Variants in RSU1 observed in about 807,000 individuals in gnomAD.
RSU1 encodes Ras suppressor protein 1, also known as rsu-1.
RSU1 carries 26 observed loss-of-function variants against 31.1 expected under a neutral mutation model. The ratio of observed to expected loss-of-function variants is 0.84; its 90% CI spans 0.61 to 1.16. The LOEUF (loss-of-function observed/expected upper bound fraction) is 1.16, where lower values mean the gene tolerates loss of function less well. Ranked by LOEUF, RSU1 falls within the 50% of genes most tolerant of loss-of-function variation. The pLI, the probability that RSU1 is intolerant of heterozygous loss-of-function variation, is 0.00. For synonymous variants in RSU1, 164 were observed against 136.3 expected (o/e 1.20, Z -1.41); for missense variants, 320 against 339.1 (o/e 0.94, Z 0.44).
At chr10:16,628,151 C>T (rs900183594) in intron 8 of RSU1, among the ~76,000 whole-genome samples, 1 of 152,186 alleles carries the variant, frequency 6.6e-6, no homozygotes, top group Non-Finnish European at 1.5e-5. Context: ...AACAATCTGC[C>T]AATTGATTAA....
chr10:16,634,538 A>G (rs745819132), intron 8 of RSU1, among the ~76,000 whole-genome samples: 3 of 152,250 alleles, frequency 2.0e-5, no homozygotes, highest in Non-Finnish European at 4.4e-5. Flanking sequence ...ATTTTCACAC[A>G]AAAGTATATA....
intron 2 of RSU1, among the ~76,000 whole-genome samples, chr10:16,807,744 C>T (rs528137652): frequency 2.0e-4 from 30 of 152,294 alleles, no homozygotes; most frequent in East Asian, 5.8e-4. Flanking sequence ...AATTCTGAGA[C>T]GAGGTACGGT....
At chr10:16,738,674 C>G (rs1182784248) in intron 7 of RSU1, among the ~76,000 whole-genome samples, 3 of 152,034 alleles carry the variant, frequency 2.0e-5, no homozygotes, top group Non-Finnish European at 4.4e-5. Context: ...ACAATACAGA[C>G]TAACTCAGAA....
chr10:16,647,271 C>T (rs902152078), intron 8 of RSU1, among the ~76,000 whole-genome samples: 8 of 152,192 alleles, frequency 5.3e-5, no homozygotes, highest in African/African-American at 1.9e-4. Context: ...CGCGCCCAGC[C>T]CGTACTGGAA....
At chr10:16,645,738 C>T (rs111371646) in intron 8 of RSU1, among the ~76,000 whole-genome samples, 7,851 of 148,348 alleles carry the variant, frequency 0.053, 814 homozygotes, top group African/African-American at 0.19. Context: ...ACTCGGGAGG[C>T]GGAGGTTGCA....
At chr10:16,754,712 T>C (rs184965437) in intron 5 of RSU1, among the ~76,000 whole-genome samples, 159 bp downstream of exon 5, 2 of 152,266 alleles carry the variant, frequency 1.3e-5, no homozygotes, top group African/African-American at 2.4e-5. Context: ...CAAATGCACA[T>C]ACTGCTGAGC....
chr10:16,659,365 T>C (rs1834847732), intron 8 of RSU1, among the ~76,000 whole-genome samples: 1 of 151,610 alleles, frequency 6.6e-6, no homozygotes, highest in South Asian at 2.1e-4. Context: ...CTTTAAAACC[T>C]TTCTGTTGGT....
At chr10:16,701,440 G>A (rs1835790893) in intron 7 of RSU1, among the ~76,000 whole-genome samples, 1 of 152,190 alleles carries the variant, frequency 6.6e-6, no homozygotes, top group Non-Finnish European at 1.5e-5. Context: ...AATTTATTCT[G>A]TGGGGAATGC....
intron 8 of RSU1, among the ~76,000 whole-genome samples, chr10:16,690,243 A>G (rs1835518670): frequency 6.6e-6 from 1 of 152,236 alleles, no homozygotes; most frequent in African/African-American, 2.4e-5. Flanking sequence ...ACCATCAAAT[A>G]AAGAGTTAAC....
intron 8 of RSU1, among the ~76,000 whole-genome samples, chr10:16,620,846 A>C (rs1415854376): frequency 1.0e-4 from 8 of 76,220 alleles, no homozygotes; most frequent in Non-Finnish European, 1.8e-4. Context: ...CTCCATCTCA[A>C]AAAAAAAAAA....
chr10:16,617,882 A>G (rs1213476401), intron 8 of RSU1, among the ~76,000 whole-genome samples: 1 of 152,246 alleles, frequency 6.6e-6, no homozygotes, highest in South Asian at 2.1e-4. Flanking sequence ...TAAAATCCCT[A>G]GAAGAAAACC....
At chr10:16,593,675 A>G (rs1300647173) in intron 8 of RSU1, among the ~76,000 whole-genome samples, 179 bp from the exon 9 acceptor site, 4 of 152,174 alleles carry the variant, frequency 2.6e-5, no homozygotes, top group South Asian at 2.1e-4. Flanking sequence ...ATTCTCTTAC[A>G]CATGCACGCC....
At chr10:16,744,941 G>C (rs561909686) in intron 7 of RSU1, among the ~76,000 whole-genome samples, 2 of 152,232 alleles carry the variant, frequency 1.3e-5, no homozygotes, top group Non-Finnish European at 2.9e-5. Context: ...TCACACAGGA[G>C]GATAATTCCC....
chr10:16,689,012 GAA>G (rs34750489), intron 8 of RSU1, among the ~76,000 whole-genome samples: 1 of 123,310 alleles, frequency 8.1e-6, no homozygotes, highest in African/African-American at 3.0e-5. Flanking sequence ...TGTCCCTAAG[GAA>G]AAAAAAAAAA....
chr10:16,614,649 A>C (rs1039161248), intron 8 of RSU1, among the ~76,000 whole-genome samples: 4 of 152,200 alleles, frequency 2.6e-5, no homozygotes, highest in African/African-American at 4.8e-5. Flanking sequence ...GTACCCACAA[A>C]AATTAAAAAT....
chr10:16,756,848 T>A (rs1489289785), intron 4 of RSU1, among the ~76,000 whole-genome samples: 4 of 147,004 alleles, frequency 2.7e-5, no homozygotes, highest in Non-Finnish European at 4.5e-5. Context: ...TGGTATTGTG[T>A]GTGATGTTAT....
chr10:16,722,972 GTA>G (rs1393204899), intron 7 of RSU1: 15 of 137,758 alleles, frequency 1.1e-4, no homozygotes, highest in Middle Eastern at 7.8e-3. Context: ...ATACATATAT[GTA>G]TATATACACA....
At chr10:16,723,565 A>G (rs1413120099) in intron 7 of RSU1, among the ~76,000 whole-genome samples, 3 of 152,238 alleles carry the variant, frequency 2.0e-5, no homozygotes, top group Admixed American at 2.0e-4. Context: ...ATAATTCTCC[A>G]TTCGCTGATA....
At chr10:16,809,335 G>C (rs1838351018) in intron 2 of RSU1, among the ~76,000 whole-genome samples, 1 of 152,176 alleles carries the variant, frequency 6.6e-6, no homozygotes, top group Non-Finnish European at 1.5e-5. Flanking sequence ...ACATACGTGA[G>C]ATTTCTTTCA....
Sources: gnomAD v4.1 joint callset for allele counts (sites outside exome capture counted in the v4.1 genomes callset) on GRCh38, gnomAD v4.1.1 for gene constraint, MANE v1.5 for transcripts, NCBI Gene and HGNC (gene_info 2026-07-23, HGNC 2026-07-21) for gene names.